CPEB4: variants seen among roughly 807,000 people sequenced by gnomAD.
The protein encoded by CPEB4 is cytoplasmic polyadenylation element binding protein 4.
CPEB4 carries 12 observed loss-of-function variants against 72.5 expected under a neutral mutation model. That is an observed-to-expected ratio of 0.17 (90% CI 0.11 to 0.27). The LOEUF (loss-of-function observed/expected upper bound fraction) is 0.27. CPEB4 is among the 10% of genes least tolerant of loss of function. The pLI, the probability that CPEB4 is intolerant of heterozygous loss-of-function variation, is 1.00. For missense variants in CPEB4, 614 were observed against 908.5 expected (o/e 0.68, Z 4.17); for synonymous variants, 302 against 326.3 (o/e 0.93, Z 0.80).
chr5:173,915,397 G>C (rs1327143800), intron 2 of CPEB4, among the ~76,000 whole-genome samples: 1 of 151,978 alleles, frequency 6.6e-6, no homozygotes, highest in Non-Finnish European at 1.5e-5. Flanking sequence ...GTGGGGAAAG[G>C]GTTCTCCTCA....
intron 2 of CPEB4, among the ~76,000 whole-genome samples, chr5:173,925,009 C>T (rs549345156): frequency 1.6e-4 from 24 of 152,264 alleles, no homozygotes; most frequent in African/African-American, 5.3e-4. Flanking sequence ...GGGAAGGCTT[C>T]TCATAAGATG....
intron 4 of CPEB4, 32 bp downstream of exon 4, chr5:173,943,081 C>G (rs747402717): frequency 8.7e-6 from 14 of 1,606,566 alleles, no homozygotes; most frequent in Admixed American, 1.7e-5. Context: ...AAATGTATCA[C>G]TTGTATTTGG....
intron 3 of CPEB4, among the ~76,000 whole-genome samples, chr5:173,938,844 A>G (rs899206226): frequency 1.3e-5 from 2 of 152,232 alleles, no homozygotes; most frequent in African/African-American, 4.8e-5. Context: ...GAGAAAACCA[A>G]AAAGGGTTCA....
In CPEB4 at chr5:173,960,189, G is replaced by A. The variant is rs1000998644; in HGVS notation, c.*4052G>A. On this transcript the variant is annotated 3_prime_UTR_variant, in exon 10 of 10. Transcript: ENST00000265085. The stretch of plus-strand genomic sequence containing the variant: ...CCTTTTTTAAAAGAGTTCATTTGTT[G>A]AAGTGCTAGTGAAAAATTAATGTTA... The A allele has an allele frequency of 1.3e-5, 2 of 152,560 alleles. No individual in the cohort carries two copies. Among genetic ancestry groups the A allele is most frequent in the Non-Finnish European group, 2.9e-5 (2 of 67,996 alleles). The allele number at this position is 152,560 out of a possible 1,614,324, so 9.5% of individuals were successfully genotyped here.
Position 173,956,197 on chromosome 5 carries a change from G to C in CPEB4, c.*60G>C. 7.4e-7 allele frequency: 1 copy of C among 1,347,664 alleles called. No individual in the cohort carries two copies. Among genetic ancestry groups the C allele is most frequent in the Non-Finnish European group, 1.1e-6 (1 of 941,568 alleles). 83.5% of individuals were successfully genotyped at this position (1,347,664 alleles called of 1,614,324 possible). A position where few individuals can be genotyped will look rare whatever the true frequency, so the allele number is the denominator to read the frequency against. ...ATAAGTGCACTCTTCTGTTCATTCTGACCCCTTCCTCAACCTCTTCACGCT... is the reference window on the plus strand; with the variant it reads ...ATAAGTGCACTCTTCTGTTCATTCTCACCCCTTCCTCAACCTCTTCACGCT... On this transcript the variant is annotated 3_prime_UTR_variant, in exon 10 of 10. Coordinates refer to ENST00000265085, the MANE Select transcript of CPEB4 (RefSeq NM_030627.4).
chr5:173,931,077 C>G (rs1757431433), intron 2 of CPEB4, among the ~76,000 whole-genome samples: 1 of 151,768 alleles, frequency 6.6e-6, no homozygotes, highest in Non-Finnish European at 1.5e-5. Flanking sequence ...TTAATTAAAG[C>G]TGTTGGCAAT....
intron 1 of CPEB4, chr5:173,892,919 A>T (rs1166340517): frequency 2.0e-5 from 3 of 151,976 alleles, no homozygotes; most frequent in Non-Finnish European, 4.4e-5. Flanking sequence ...AAGGATGGTC[A>T]GTGTACCTGA....
At chr5:173,902,533 G>C (rs975320334) in intron 1 of CPEB4, among the ~76,000 whole-genome samples, 1 of 152,014 alleles carries the variant, frequency 6.6e-6, no homozygotes, top group African/African-American at 2.4e-5. Flanking sequence ...ATTTAGATGA[G>C]AACATTTAAA....
At chr5:173,942,979 G>T in intron 3 of CPEB4, 47 bp from the exon 4 acceptor site, 1 of 1,587,770 alleles carries the variant, frequency 6.3e-7, no homozygotes, top group South Asian at 1.1e-5. Flanking sequence ...ATGTTTGAAA[G>T]GTTGTTTTGT....
chr5:173,896,396 C>T (rs963071478), intron 1 of CPEB4, among the ~76,000 whole-genome samples: 1 of 152,108 alleles, frequency 6.6e-6, no homozygotes, highest in African/African-American at 2.4e-5. Flanking sequence ...TGGAGATTCC[C>T]ATCCATTTTT....
intron 2 of CPEB4, among the ~76,000 whole-genome samples, chr5:173,920,096 A>G (rs1160200415): frequency 6.6e-6 from 1 of 152,172 alleles, no homozygotes; most frequent in Non-Finnish European, 1.5e-5. Flanking sequence ...GGGCTTCATT[A>G]TTTTATCTAA....
chr5:173,935,454 T>G (rs6556096), intron 3 of CPEB4, among the ~76,000 whole-genome samples: 1 of 152,130 alleles, frequency 6.6e-6, no homozygotes, highest in Non-Finnish European at 1.5e-5. Flanking sequence ...CCTTGTCCAC[T>G]GTAATCTATT....
chr5:173,898,571 A>G (rs1756108057), intron 1 of CPEB4, among the ~76,000 whole-genome samples: 1 of 152,248 alleles, frequency 6.6e-6, no homozygotes. Flanking sequence ...TATTGTTTTA[A>G]GAAAGCAACT....
At position 173,945,039 on chromosome 5, in the gene CPEB4, G is replaced by T. The variant is rs1051887074; in HGVS notation, c.1355G>T (p.Gly452Val). ...DGRGDQPLHS[G>V]LGSPHCFSHQ... Reference sequence around the variant, plus strand: ...CGTGGGGATCAGCCTCTTCATAGTGGCCTGGGTTCACCTCACTGCTTCAGT... The same window carrying T: ...CGTGGGGATCAGCCTCTTCATAGTGTCCTGGGTTCACCTCACTGCTTCAGT... The change falls in exon 5 of 10, where the codon GGC (glycine) becomes GTC (valine). Residue 452 changes from glycine to valine, a missense_variant. This residue lies in a region of CPEB4 where 458 missense variants were observed against 548.6 expected (regional missense o/e 0.83). Coordinates refer to ENST00000265085, the MANE Select transcript of CPEB4 (RefSeq NM_030627.4). The T allele has an allele frequency of 1.5e-5, 24 of 1,613,858 alleles. No homozygotes were observed. The highest frequency in any genetic ancestry group is 1.9e-5 in the Non-Finnish European group (22 of 1,179,936).
Position 173,889,661 on chromosome 5 carries a change from G to T in CPEB4, c.-73G>T, listed in dbSNP as rs1755732224. On this transcript the variant is annotated 5_prime_UTR_variant, in exon 1 of 10. Transcript: ENST00000265085. ...AGCAAGCAAACAACTTAAATTTGGGGTAGAGGAAAAAAAAGGCGTGAGACA... is the reference window on the plus strand; with the variant it reads ...AGCAAGCAAACAACTTAAATTTGGGTTAGAGGAAAAAAAAGGCGTGAGACA... 1.5e-6 allele frequency: 2 copies of T among 1,307,882 alleles called. No individual in the cohort carries two copies. The highest frequency in any genetic ancestry group is 2.1e-6 in the Non-Finnish European group (2 of 947,894). 81.0% of individuals were successfully genotyped at this position (1,307,882 alleles called of 1,614,324 possible).
Position 173,945,076 on chromosome 5 carries a change from G to T in CPEB4, c.1392G>T (p.Gly464=). The change falls in exon 5 of 10, where the codon GGG becomes GGT. Residue 464 remains glycine (G), a synonymous_variant. Coordinates refer to ENST00000265085, the MANE Select transcript of CPEB4 (RefSeq NM_030627.4). ...GSPHCFSHQN[G]ERVERYSRKV... is the part of the protein sequence containing the mutation. ...CTCACTGCTTCAGTCACCAGAATGG[G>T]GAAAGAGTGGAACGATATTCTCGAA... 6.2e-7 allele frequency: 1 copy of T among 1,614,060 alleles called. No homozygotes were observed. The highest frequency in any genetic ancestry group is 8.5e-7 in the Non-Finnish European group (1 of 1,179,948).
chr5:173,909,637 A>C (rs2113170827), intron 1 of CPEB4, among the ~76,000 whole-genome samples: 1 of 152,334 alleles, frequency 6.6e-6, no homozygotes, highest in Non-Finnish European at 1.5e-5. Flanking sequence ...AATCATTAAC[A>C]GTCAAGAACA....
intron 2 of CPEB4, among the ~76,000 whole-genome samples, chr5:173,917,599 G>T (rs1756917804): frequency 6.6e-6 from 1 of 152,170 alleles, no homozygotes; most frequent in South Asian, 2.1e-4. Context: ...GGTAGCGGGC[G>T]CCTGTAATCC....
At chr5:173,943,906 C>T (rs1320963640) in intron 4 of CPEB4, among the ~76,000 whole-genome samples, 3 of 152,194 alleles carry the variant, frequency 2.0e-5, no homozygotes, top group African/African-American at 4.8e-5. Context: ...ACAAATTCCT[C>T]ATGTAGTACC....
Sources: gnomAD v4.1 joint callset for allele counts (sites outside exome capture counted in the v4.1 genomes callset) on GRCh38, gnomAD v4.1.1 for gene constraint, gnomAD v4.1.1 regional missense constraint, MANE v1.5 for transcripts, NCBI Gene and HGNC (gene_info 2026-07-23, HGNC 2026-07-21) for gene names.